INSYN2A: variants seen among roughly 807,000 people sequenced by gnomAD.
INSYN2A encodes the protein inhibitory synaptic factor 2A.
INSYN2A carries 17 observed loss-of-function variants against 39.4 expected under a neutral mutation model. That is an observed-to-expected ratio of 0.43 (90% CI 0.30 to 0.65). The LOEUF is 0.65. Ranked by LOEUF, INSYN2A falls within the 30% of genes least tolerant of loss-of-function variation. The pLI is 0.14. For synonymous variants in INSYN2A, 255 were observed against 265.7 expected (o/e 0.96, Z 0.39); for missense variants, 595 against 631.2 (o/e 0.94, Z 0.61).
At chr10:127,147,955 CAGG>C (rs538971250) in intron 5 of INSYN2A, among the ~76,000 whole-genome samples, 89 of 148,736 alleles carry the variant, frequency 6.0e-4, no homozygotes, top group African/African-American at 2.2e-3. Context: ...TGCTTCAACC[CAGG>C]AGGAGGAGGG....
At chr10:127,167,713 A>G (rs1473343997) in intron 4 of INSYN2A, among the ~76,000 whole-genome samples, 1 of 152,122 alleles carries the variant, frequency 6.6e-6, no homozygotes, top group East Asian at 1.9e-4. Flanking sequence ...CTGACGCTAC[A>G]TCAGCTCCCC....
At chr10:127,194,876 G>T (rs1249928568) in intron 1 of INSYN2A, among the ~76,000 whole-genome samples, 1 of 149,766 alleles carries the variant, frequency 6.7e-6, no homozygotes, top group African/African-American at 2.5e-5. Context: ...GAATTTCAGC[G>T]CCTAAGCAGA....
intron 5 of INSYN2A, among the ~76,000 whole-genome samples, chr10:127,141,580 G>C (rs981668394): frequency 1.3e-5 from 2 of 152,008 alleles, no homozygotes; most frequent in African/African-American, 4.8e-5. Flanking sequence ...GTGCATGTCT[G>C]TAATCCCAGC....
chr10:127,148,787 T>C (rs1365747717), intron 5 of INSYN2A, among the ~76,000 whole-genome samples: 1 of 152,234 alleles, frequency 6.6e-6, no homozygotes, highest in Non-Finnish European at 1.5e-5. Context: ...ATATGGAAGA[T>C]AAGCCAGAAA....
At chr10:127,140,921 A>T (rs2051178874) in intron 5 of INSYN2A, among the ~76,000 whole-genome samples, 1 of 152,172 alleles carries the variant, frequency 6.6e-6, no homozygotes. Context: ...GCTTGTTCAG[A>T]TAGTGCCTGG....
intron 2 of INSYN2A, among the ~76,000 whole-genome samples, chr10:127,184,824 C>T (rs1354225495): frequency 2.0e-5 from 3 of 152,298 alleles, no homozygotes; most frequent in Non-Finnish European, 4.4e-5. Context: ...TGGTCTAGAT[C>T]TAGTCTTATC....
chr10:127,194,214 A>G (rs573760723), intron 1 of INSYN2A, among the ~76,000 whole-genome samples: 1 of 152,250 alleles, frequency 6.6e-6, no homozygotes. Context: ...AAATCATGCA[A>G]TTAGTGATAG....
intron 2 of INSYN2A, among the ~76,000 whole-genome samples, chr10:127,177,954 T>G (rs1473722405): frequency 6.6e-6 from 1 of 152,220 alleles, no homozygotes; most frequent in African/African-American, 2.4e-5. Context: ...AGCAGGACCC[T>G]ACTTTAGTGG....
chr10:127,157,514 C>G (rs572566992), intron 4 of INSYN2A, among the ~76,000 whole-genome samples: 25 of 152,256 alleles, frequency 1.6e-4, no homozygotes, highest in Non-Finnish European at 2.6e-4. Flanking sequence ...CCTTCTATAA[C>G]ATCATTTTCA....
At chr10:127,184,595 CTTA>C (rs1476960586) in intron 2 of INSYN2A, among the ~76,000 whole-genome samples, 1 of 151,426 alleles carries the variant, frequency 6.6e-6, no homozygotes, top group Admixed American at 6.6e-5. Flanking sequence ...CAAAGAGTCT[CTTA>C]TTATAAGATC....
chr10:127,171,365 A>T (rs553443668), intron 4 of INSYN2A, among the ~76,000 whole-genome samples: 3 of 152,224 alleles, frequency 2.0e-5, no homozygotes, highest in Non-Finnish European at 2.9e-5. Flanking sequence ...TACAATAAAC[A>T]TGTTCTAAGA....
At chr10:127,188,793 T>G (rs1221837781) in intron 2 of INSYN2A, among the ~76,000 whole-genome samples, 1 of 152,244 alleles carries the variant, frequency 6.6e-6, no homozygotes, top group Non-Finnish European at 1.5e-5. Flanking sequence ...GTTCTGTGCT[T>G]TGTGTATGTC....
intron 2 of INSYN2A, among the ~76,000 whole-genome samples, chr10:127,191,980 A>G (rs2056788397): frequency 6.6e-6 from 1 of 152,244 alleles, no homozygotes; most frequent in African/African-American, 2.4e-5. Context: ...TTTCATGGCC[A>G]AAGCTAGATT....
rs377168935 is a variant in INSYN2A at position 127,137,826 on chromosome 10, C to T, written c.*11G>A. The T allele has an allele frequency of 2.9e-5, 47 of 1,608,500 alleles. No homozygotes were observed. In the African/African-American group the frequency reaches 5.5e-4, roughly 19 times the overall value. ...CTAAAGACGGCCTCGAGACTCCAGA[C>T]ACCGTGAGTGTTAAAGGAACCAGAG... On this transcript the variant is annotated 3_prime_UTR_variant, in exon 6 of 6. Coordinates refer to ENST00000522781, the MANE Select transcript of INSYN2A (RefSeq NM_001039762.3).
chr10:127,188,200 GGCTGT>G (rs2056453382), intron 2 of INSYN2A, among the ~76,000 whole-genome samples: 2 of 152,254 alleles, frequency 1.3e-5, no homozygotes, highest in South Asian at 2.1e-4. Context: ...GGCCTGGCTG[GGCTGT>G]GCTGTGCACA....
chr10:127,170,885 C>A (rs943710960), intron 4 of INSYN2A, among the ~76,000 whole-genome samples: 1 of 152,176 alleles, frequency 6.6e-6, no homozygotes, highest in East Asian at 1.9e-4. Context: ...CATGCAAGCC[C>A]GCACTGCATA....
At chr10:127,158,812 T>C (rs776927099) in intron 4 of INSYN2A, among the ~76,000 whole-genome samples, 1 of 152,216 alleles carries the variant, frequency 6.6e-6, no homozygotes, top group Non-Finnish European at 1.5e-5. Context: ...TAGTTGTAAG[T>C]ATTCTCTTAA....
chr10:127,166,628 C>T (rs2054112642), intron 4 of INSYN2A, among the ~76,000 whole-genome samples: 2 of 152,184 alleles, frequency 1.3e-5, no homozygotes, highest in Admixed American at 6.5e-5. Flanking sequence ...AATAGGTGAC[C>T]TCTGTAGGTC....
At chr10:127,177,812 A>C (rs1237100235) in intron 2 of INSYN2A, among the ~76,000 whole-genome samples, 1 of 152,230 alleles carries the variant, frequency 6.6e-6, no homozygotes, top group African/African-American at 2.4e-5. Flanking sequence ...CTGCTCGTTC[A>C]CATACAGAAT....
Sources: gnomAD v4.1 joint callset for allele counts (sites outside exome capture counted in the v4.1 genomes callset) on GRCh38, gnomAD v4.1.1 for gene constraint, MANE v1.5 for transcripts, NCBI Gene and HGNC (gene_info 2026-07-23, HGNC 2026-07-21) for gene names.